Variants in F13A1 observed in about 807,000 individuals in gnomAD.
F13A1 encodes the protein coagulation factor XIII A chain, also known as FSF, A subunit.
Under a neutral mutation model 80.1 loss-of-function variants are expected in F13A1, and 47 were observed. That is an observed-to-expected ratio of 0.59 (90% CI 0.46 to 0.75). The LOEUF is 0.75. F13A1 is among the 30% of genes least tolerant of loss of function. The pLI is 0.00. For synonymous variants in F13A1, 349 were observed against 344.9 expected (o/e 1.01, Z -0.13); for missense variants, 817 against 930.4 (o/e 0.88, Z 1.59).
chr6:6,311,558 A>T (rs1437636932), intron 2 of F13A1, among the ~76,000 whole-genome samples: 1 of 148,032 alleles, frequency 6.8e-6, no homozygotes, highest in African/African-American at 2.5e-5. Flanking sequence ...TCATGGGTTT[A>T]TAGTTTTTCC....
chr6:6,292,754 A>G (rs1445195580), intron 3 of F13A1, among the ~76,000 whole-genome samples: 1 of 152,218 alleles, frequency 6.6e-6, no homozygotes, highest in Non-Finnish European at 1.5e-5. Flanking sequence ...CGGGTGATGA[A>G]CAACCTGCCT....
chr6:6,254,172 G>T (rs1757673849), intron 4 of F13A1, among the ~76,000 whole-genome samples: 1 of 151,642 alleles, frequency 6.6e-6, no homozygotes, highest in African/African-American at 2.4e-5. Context: ...GCCAATGAGG[G>T]TATGAAGAGA....
chr6:6,236,570 CT>C, intron 6 of F13A1, among the ~76,000 whole-genome samples: 1 of 152,080 alleles, frequency 6.6e-6, no homozygotes, highest in African/African-American at 2.4e-5. Flanking sequence ...TGTATAGTTA[CT>C]ATTTCTTTCT....
chr6:6,309,347 C>T (rs1488857494), intron 2 of F13A1, among the ~76,000 whole-genome samples: 1 of 151,920 alleles, frequency 6.6e-6, no homozygotes, highest in African/African-American at 2.4e-5. Context: ...GAGCCCCTAA[C>T]CCACATTTAG....
chr6:6,191,157 A>T (rs1435571528), intron 10 of F13A1, among the ~76,000 whole-genome samples: 4 of 152,212 alleles, frequency 2.6e-5, no homozygotes, highest in Non-Finnish European at 5.9e-5. Flanking sequence ...CCGGTACCTC[A>T]GATGGAAATG....
intron 11 of F13A1, among the ~76,000 whole-genome samples, chr6:6,176,067 A>G (rs1003456737): frequency 1.4e-4 from 22 of 152,210 alleles, no homozygotes; most frequent in Non-Finnish European, 2.4e-4. Context: ...CATCCTAAAT[A>G]CCTTTGGGTT....
chr6:6,227,816 G>A (rs1757298164), intron 6 of F13A1, among the ~76,000 whole-genome samples: 1 of 152,180 alleles, frequency 6.6e-6, no homozygotes, highest in Admixed American at 6.5e-5. Context: ...AAAAAGCTCT[G>A]TCCTCTACAG....
intron 13 of F13A1, among the ~76,000 whole-genome samples, chr6:6,167,182 G>T (rs765363100): frequency 6.6e-6 from 1 of 152,134 alleles, no homozygotes; most frequent in African/African-American, 2.4e-5. Flanking sequence ...CTCCACAAGT[G>T]TGTTTATACC....
At chr6:6,289,370 GT>G (rs1434408408) in intron 3 of F13A1, among the ~76,000 whole-genome samples, 1 of 152,026 alleles carries the variant, frequency 6.6e-6, no homozygotes, top group Non-Finnish European at 1.5e-5. Context: ...GGGGCATATT[GT>G]TAGTCCTCAG....
rs374113663 is a variant in F13A1 at position 6,313,984 on chromosome 6, C to CACTTT, written c.130+4550_130+4551insAAAGT. ...TCTCCTGTTCTCCATTTTCTCCTTA[C>CACTTT]TCTTTTTTTTTTTTGAAACGGAGTC... On this transcript the variant is annotated intron_variant, in intron 2 of 14. Transcript: ENST00000264870. 2.6e-3 allele frequency among the ~76,000 whole-genome samples: 369 copies of CACTTT among 139,324 alleles called. 26 individuals are homozygous for CACTTT. The highest frequency in any genetic ancestry group is 6.5e-3 in the African/African-American group (236 of 36,398). 91.4% of individuals were successfully genotyped at this position (139,324 alleles called of 152,430 possible). A position where few individuals can be genotyped will look rare whatever the true frequency, so the allele number is the denominator to read the frequency against.
chr6:6,222,975 C>T (rs1337055725), intron 7 of F13A1, among the ~76,000 whole-genome samples: 1 of 152,196 alleles, frequency 6.6e-6, no homozygotes, highest in Non-Finnish European at 1.5e-5. Context: ...ACGGGCCTCC[C>T]GTTCCCATTT....
intron 4 of F13A1, among the ~76,000 whole-genome samples, chr6:6,259,929 T>TA (rs1757755728): frequency 6.6e-6 from 1 of 152,206 alleles, no homozygotes; most frequent in Non-Finnish European, 1.5e-5. Flanking sequence ...CAGGACCCAC[T>TA]ATCTGGCACT....
intron 8 of F13A1, among the ~76,000 whole-genome samples, chr6:6,199,893 G>A (rs1323407444): frequency 6.6e-6 from 1 of 152,232 alleles, no homozygotes; most frequent in Non-Finnish European, 1.5e-5. Context: ...GAGAGGGAGA[G>A]AAGCCATTGG....
intron 13 of F13A1, among the ~76,000 whole-genome samples, chr6:6,163,074 C>T (rs1019874440): frequency 6.6e-6 from 1 of 152,176 alleles, no homozygotes; most frequent in African/African-American, 2.4e-5. Context: ...GGTCCCAACC[C>T]TTATCTTGAC....
intron 2 of F13A1, among the ~76,000 whole-genome samples, chr6:6,308,234 G>A (rs1758540841): frequency 1.3e-5 from 2 of 152,226 alleles, no homozygotes; most frequent in East Asian, 1.9e-4. Flanking sequence ...ATGTTGGCCA[G>A]GCTGGTCTTG....
chr6:6,145,812 G>A, intron 14 of F13A1, 40 bp from the exon 15 acceptor site: 1 of 1,613,782 alleles, frequency 6.2e-7, no homozygotes, highest in Non-Finnish European at 8.5e-7. Context: ...GGAAGATCCA[G>A]CTTTCCACTT....
intron 6 of F13A1, among the ~76,000 whole-genome samples, chr6:6,242,043 T>C (rs975230054): frequency 6.6e-6 from 1 of 152,094 alleles, no homozygotes; most frequent in Non-Finnish European, 1.5e-5. Context: ...GTCTTTTTCA[T>C]GCATGGAAAG....
Position 6,145,749 on chromosome 6 carries a change from A to C in F13A1, c.2069T>G (p.Val690Gly), listed in dbSNP as rs1428685680. 2.5e-6 allele frequency: 4 copies of C among 1,613,972 alleles called. No homozygotes were observed. The highest frequency in any genetic ancestry group is 3.4e-6 in the Non-Finnish European group (4 of 1,179,998). The change falls in exon 15 of 15, where the codon GTG becomes GGG. Residue 690 changes from valine (V) to glycine (G), a missense_variant. By Grantham distance (109) the Val-to-Gly change is moderately radical. Coordinates refer to ENST00000264870, the MANE Select transcript of F13A1 (RefSeq NM_000129.4). ...GGGCCGGCACACTTCTTCCCACTGCACGGTGGAGTTGGGCCGGATTTCACT... is the reference window on the plus strand; with the variant it reads ...GGGCCGGCACACTTCTTCCCACTGCCCGGTGGAGTTGGGCCGGATTTCACT... ...MFREIRPNSTVQWEEVCRPWV... is the reference protein window; with the variant it reads ...MFREIRPNSTGQWEEVCRPWV...
At chr6:6,174,283 G>A (rs1024061478) in intron 12 of F13A1, among the ~76,000 whole-genome samples, 2 of 152,034 alleles carry the variant, frequency 1.3e-5, no homozygotes, top group African/African-American at 4.8e-5. Context: ...CCAGCTACTC[G>A]GGAGGCTGAG....
Sources: gnomAD v4.1 joint callset for allele counts (sites outside exome capture counted in the v4.1 genomes callset) on GRCh38, gnomAD v4.1.1 for gene constraint, MANE v1.5 for transcripts, NCBI Gene and HGNC (gene_info 2026-07-23, HGNC 2026-07-21) for gene names.